NARF: variants seen among roughly 807,000 people sequenced by gnomAD.
The protein encoded by NARF is iron-only hydrogenase-like protein 2.
A neutral mutation model predicts 48.0 loss-of-function variants in NARF; 41 were observed. That is an observed-to-expected ratio of 0.85 (90% CI 0.66 to 1.11). The LOEUF is 1.11. NARF is among the 50% of genes least tolerant of loss of function. The pLI, the probability that NARF is intolerant of heterozygous loss-of-function variation, is 0.00. For synonymous variants in NARF, 215 were observed against 225.5 expected (o/e 0.95, Z 0.42); for missense variants, 613 against 590.2 (o/e 1.04, Z -0.40).
At chr17:82,480,532 G>A (rs1404303061) in intron 6 of NARF, 5 of 404,526 alleles carry the variant, frequency 1.2e-5, no homozygotes, top group South Asian at 2.4e-4. Context: ...CATGGATGGA[G>A]TGCTGGTGCT....
At chr17:82,485,132 G>C (rs1210630222) in intron 9 of NARF, among the ~76,000 whole-genome samples, 182 bp downstream of exon 9, 2 of 152,190 alleles carry the variant, frequency 1.3e-5, no homozygotes, top group Non-Finnish European at 2.9e-5. Context: ...ACATTAGAAA[G>C]TGTTCTTGGC....
intron 3 of NARF, among the ~76,000 whole-genome samples, chr17:82,467,706 G>A (rs2043603235): frequency 6.6e-6 from 1 of 151,692 alleles, no homozygotes; most frequent in African/African-American, 2.4e-5. Flanking sequence ...GTTTCGCCAT[G>A]TTGGCCAGGC....
At chr17:82,466,233 C>T (rs2043564289) in intron 3 of NARF, among the ~76,000 whole-genome samples, 1 of 152,156 alleles carries the variant, frequency 6.6e-6, no homozygotes, top group South Asian at 2.1e-4. Context: ...GTGATAGGGG[C>T]AAACAGCTGT....
chr17:82,465,359 G>A (rs2043540270), intron 3 of NARF, among the ~76,000 whole-genome samples: 1 of 152,166 alleles, frequency 6.6e-6, no homozygotes, highest in Non-Finnish European at 1.5e-5. Flanking sequence ...AGCACTTCTT[G>A]GTTTCCATGC....
At position 82,488,345 on chromosome 17, in the gene NARF, C is replaced by A; in HGVS notation, c.*188C>A. ...CTCAGGCAGTTTCATGTGGTGCTAT[C>A]TTCATAATAGGTGTGGGATTGGAAC... On this transcript the variant is annotated 3_prime_UTR_variant, in exon 11 of 11. Transcript: ENST00000309794. 4.9e-6 allele frequency: 4 copies of A among 822,344 alleles called. No homozygotes were observed. The highest frequency in any genetic ancestry group is 7.2e-6 in the Non-Finnish European group (4 of 551,780). 50.9% of individuals were successfully genotyped at this position (822,344 alleles called of 1,614,324 possible). A position where few individuals can be genotyped will look rare whatever the true frequency, so the allele number is the denominator to read the frequency against.
chr17:82,458,427 G>C (rs879598620), upstream of NARF: 1 of 216,502 alleles, frequency 4.6e-6, no homozygotes, highest in African/African-American at 2.3e-5. Context: ...CGACTCCCTG[G>C]TGAACGCCGC....
chr17:82,488,853 T>C lies in NARF; in HGVS notation c.*696T>C, dbSNP rs1185516315. 1 of 152,438 alleles carries C rather than the reference T, an allele frequency of 6.6e-6. No individual in the cohort carries two copies. Among genetic ancestry groups the C allele is most frequent in the South Asian group, 2.1e-4 (1 of 4,842 alleles). The allele number at this position is 152,438 out of a possible 1,614,324, so 9.4% of individuals were successfully genotyped here. A position where few individuals can be genotyped will look rare whatever the true frequency, so the allele number is the denominator to read the frequency against. On this transcript the variant is annotated 3_prime_UTR_variant, in exon 11 of 11. Transcript: ENST00000309794. ...CCCAGAGGTTCTAATGCACATGACT[T>C]GAAGGTGATTTGATGTGGGAGTGAG...
chr17:82,468,879 G>C lies in NARF; in HGVS notation c.368G>C (p.Gly123Ala), dbSNP rs898999923. 1.2e-6 allele frequency: 2 copies of C among 1,613,698 alleles called. No individual in the cohort carries two copies. The highest frequency in any genetic ancestry group is 1.7e-6 in the Non-Finnish European group (2 of 1,179,946). ...ACTGATGCATCCAGAAGACTCTGTG[G>C]TTTCCTCAAAAGTCTTGGTGAGTCA... ...SVTDASRRLC[G>A]FLKSLGVHYV... The change falls in exon 4 of 11, where the codon GGT becomes GCT. Residue 123 changes from glycine to alanine, a missense_variant. Coordinates refer to ENST00000309794, the MANE Select transcript of NARF (RefSeq NM_012336.4).
intron 7 of NARF, chr17:82,482,301 G>A: frequency 5.2e-6 from 2 of 381,602 alleles, no homozygotes; most frequent in Non-Finnish European, 1.0e-5. Context: ...ATAGGCACAG[G>A]CTCCCTGTGG....
chr17:82,485,448 C>T, intron 9 of NARF, 49 bp from the exon 10 acceptor site: 2 of 1,581,298 alleles, frequency 1.3e-6, no homozygotes, highest in Non-Finnish European at 1.7e-6. Flanking sequence ...GTTCTTAAGT[C>T]ACAGATAAAG....
chr17:82,480,386 G>A, intron 6 of NARF: 4 of 401,932 alleles, frequency 1.0e-5, no homozygotes. Flanking sequence ...CCTCTTACTT[G>A]TTTTGTCCCC....
At chr17:82,464,041 AC>A (rs1158296829) in intron 2 of NARF, 2 of 458,502 alleles carry the variant, frequency 4.4e-6, no homozygotes, top group South Asian at 7.3e-5. Context: ...GCTGGGTTCC[AC>A]CCTTGTCATC....
chr17:82,463,825 G>A (rs1180042102), intron 2 of NARF: 1 of 157,140 alleles, frequency 6.4e-6, no homozygotes, highest in Non-Finnish European at 1.4e-5. Context: ...GAGTTGTAAA[G>A]TTCTGAGCCT....
rs746481691 is a variant in NARF, at chr17:82,472,635, C to T, written c.457C>T (p.Arg153Cys). 1.7e-5 allele frequency: 27 copies of T among 1,613,806 alleles called. No individual in the cohort carries two copies. The highest frequency in any genetic ancestry group is 1.2e-4 in the South Asian group (11 of 91,046). The change falls in exon 5 of 11, where the codon CGT becomes TGT. Residue 153 changes from arginine (R) to cysteine (C), a missense_variant. Physicochemically the swap from Arg to Cys is radical, Grantham distance 180. Coordinates refer to ENST00000309794, the MANE Select transcript of NARF (RefSeq NM_012336.4). ...SILESQKEFV[R>C]RYRQHSEEER... ...CCTGGAGAGTCAAAAAGAATTCGTG[C>T]GTCGCTATCGCCAGCACAGTGAGGA...
chr17:82,472,828 G>A (rs2043744169), intron 5 of NARF, 130 bp downstream of exon 5: 3 of 1,167,566 alleles, frequency 2.6e-6, no homozygotes, highest in Non-Finnish European at 3.4e-6. Flanking sequence ...GGAGGGAAGA[G>A]CTTGGCCTGA....
intron 7 of NARF, chr17:82,483,215 A>G (rs111571072): frequency 5.4e-6 from 2 of 368,712 alleles, no homozygotes; most frequent in African/African-American, 2.2e-5. Context: ...GCTACTCAGG[A>G]GGCTGCGGCA....
chr17:82,462,671 G>GGCCGGCAGGGCTGCCCTGGGCTGAGTGAA (rs2043467003), intron 2 of NARF: 6 of 152,394 alleles, frequency 3.9e-5, no homozygotes, highest in Admixed American at 3.3e-4. Flanking sequence ...GGCTGAGTGA[G>GGCCGGCAGGGCTGCCCTGGGCTGAGTGAA]GCCAGCAGGC....
intron 2 of NARF, chr17:82,462,650 G>A (rs781674746): frequency 6.6e-6 from 1 of 152,412 alleles, no homozygotes; most frequent in Non-Finnish European, 1.5e-5. Context: ...GCAGGTGGCA[G>A]GGCTGCCCTG....
In NARF at chr17:82,478,899, A is replaced by T. The variant is rs2043896811; in HGVS notation, c.620A>T (p.Asp207Val). The T allele has an allele frequency of 2.5e-6, 4 of 1,613,796 alleles. No homozygotes were observed. The highest frequency in any genetic ancestry group is 3.4e-6 in the Non-Finnish European group (4 of 1,179,936). The change falls in exon 6 of 11, where the codon GAT becomes GTT. Residue 207 changes from aspartate to valine, a missense_variant. Transcript: ENST00000309794. ...PQQVMGSLVK[D>V]YFARQQNLSP... ...CAGGTCATGGGCTCTTTGGTGAAGG[A>T]TTATTTCGCCAGACAGCAGGTAAGC...
Sources: allele counts gnomAD v4.1 joint callset (sites outside exome capture counted in the v4.1 genomes callset), GRCh38; gene constraint gnomAD v4.1.1; transcripts MANE v1.5; gene names NCBI Gene and HGNC (gene_info 2026-07-23, HGNC 2026-07-21).